Variants in CWF19L2 observed in about 807,000 individuals in gnomAD.
CWF19L2 encodes CWF19-like protein 2.
In CWF19L2, 98 loss-of-function variants were observed where a neutral mutation model predicts 111.7. The observed-to-expected ratio is 0.88, with a 90% CI of 0.75 to 1.04. The LOEUF is 1.04. CWF19L2 is among the 50% of genes least tolerant of loss of function. The probability of loss-of-function intolerance (pLI) is 0.00; values close to 1 mark genes in which losing one functional copy is unlikely to be tolerated. For synonymous variants in CWF19L2, 351 were observed against 342.9 expected, an observed-to-expected ratio of 1.02 and a Z score of -0.26; for missense variants, 1,101 against 1,051.4, an observed-to-expected ratio of 1.05 and a Z score of -0.65.
chr11:107,434,836 G>GTCACAAAGGGGGCT (rs1283691483), intron 6 of CWF19L2, among the ~76,000 whole-genome samples: 1 of 152,036 alleles, frequency 6.6e-6, no homozygotes, highest in East Asian at 1.9e-4. Flanking sequence ...GACTAGAAGG[G>GTCACAAAGGGGGCT]TCACAAAGGG....
At chr11:107,392,205 T>C (rs1034355695) in intron 11 of CWF19L2, among the ~76,000 whole-genome samples, 1 of 152,190 alleles carries the variant, frequency 6.6e-6, no homozygotes, top group Non-Finnish European at 1.5e-5. Context: ...TTCTTTTGTA[T>C]ATGCAATTAT....
intron 10 of CWF19L2, among the ~76,000 whole-genome samples, chr11:107,401,586 C>T (rs377039854): frequency 3.9e-5 from 6 of 152,224 alleles, no homozygotes; most frequent in African/African-American, 1.4e-4. Flanking sequence ...TCACAGACGA[C>T]ACAAACAAAT....
intron 10 of CWF19L2, among the ~76,000 whole-genome samples, chr11:107,415,374 C>A (rs917030048): frequency 4.6e-5 from 7 of 152,258 alleles, no homozygotes; most frequent in Admixed American, 2.6e-4. Context: ...TTGCCACTAC[C>A]CTGCCATAGG....
intron 10 of CWF19L2, chr11:107,403,604 TTC>T (rs1033479204): frequency 7.1e-5 from 56 of 786,176 alleles, no homozygotes; most frequent in African/African-American, 7.1e-4. Context: ...AAGGTGTGTC[TTC>T]TCTGTCTCCA....
At chr11:107,406,778 TTATTTTC>T (rs1861084470) in intron 10 of CWF19L2, among the ~76,000 whole-genome samples, 1 of 151,672 alleles carries the variant, frequency 6.6e-6, no homozygotes, top group South Asian at 2.1e-4. Context: ...TATTTATTTT[TTATTTTC>T]TATTTTAGTA....
intron 8 of CWF19L2, among the ~76,000 whole-genome samples, chr11:107,422,855 T>C (rs1565277665): frequency 1.3e-5 from 2 of 151,216 alleles, no homozygotes; most frequent in African/African-American, 2.4e-5. Context: ...AGCATTGGAA[T>C]AAAAAAAAAT....
chr11:107,454,417 T>C (rs1400888578), intron 3 of CWF19L2, 33 bp downstream of exon 3: 1 of 1,295,340 alleles, frequency 7.7e-7, no homozygotes, highest in East Asian at 3.0e-5. Context: ...TGTTCTCAAA[T>C]AGCTGCTTTG....
Position 107,336,704 on chromosome 11 carries a change from T to C in CWF19L2, c.2212A>G (p.Lys738Glu). 6.8e-7 allele frequency: 1 copy of C among 1,466,128 alleles called. No individual in the cohort carries two copies. Among genetic ancestry groups the C allele is most frequent in the Non-Finnish European group, 9.1e-7 (1 of 1,097,510 alleles). The allele number at this position is 1,466,128 out of a possible 1,614,324, so 90.8% of individuals were successfully genotyped here. A position where few individuals can be genotyped will look rare whatever the true frequency, so the allele number is the denominator to read the frequency against. Residue 738 changes from lysine (K) to glutamate (E), a missense_variant, in exon 15 of 18, where the codon AAA (lysine) becomes GAA (glutamate). Lys to Glu is a moderately conservative substitution (Grantham distance 56). Coordinates refer to ENST00000282251, the MANE Select transcript of CWF19L2 (RefSeq NM_152434.3). The part of the protein sequence containing the change: ...DIWEEIQMFR[K>E]SLVKMFEDKG... ...TCTTCAAACATCTTTACCAATGATTTTCTGAACATCTAAAAAAAAAAAAGA... is the reference window on the plus strand; with the variant it reads ...TCTTCAAACATCTTTACCAATGATTCTCTGAACATCTAAAAAAAAAAAAGA...
chr11:107,357,636 A>G (rs1860257943), intron 12 of CWF19L2, among the ~76,000 whole-genome samples: 2 of 152,210 alleles, frequency 1.3e-5, no homozygotes, highest in Non-Finnish European at 2.9e-5. Flanking sequence ...TGATTCTTCA[A>G]TATAACTGAA....
intron 7 of CWF19L2, 39 bp from the exon 8 acceptor site, chr11:107,429,490 G>C: frequency 6.8e-7 from 1 of 1,464,060 alleles, no homozygotes. Flanking sequence ...TCTAAAATTA[G>C]GAACGGCTCA....
chr11:107,389,981 T>C, intron 12 of CWF19L2, 93 bp downstream of exon 12: 1 of 1,064,002 alleles, frequency 9.4e-7, no homozygotes, highest in East Asian at 2.5e-5. Context: ...GAATCAAGAT[T>C]AGAGAGAACC....
intron 10 of CWF19L2, among the ~76,000 whole-genome samples, chr11:107,406,616 T>TA (rs1316575731): frequency 6.6e-6 from 1 of 151,778 alleles, no homozygotes; most frequent in African/African-American, 2.4e-5. Flanking sequence ...GCAGCCCTTT[T>TA]AAAAATGTTT....
intron 12 of CWF19L2, among the ~76,000 whole-genome samples, chr11:107,388,720 G>A (rs943418589): frequency 4.6e-5 from 7 of 151,964 alleles, no homozygotes; most frequent in Admixed American, 2.0e-4. Flanking sequence ...TAACTTGAAT[G>A]GTTTATGGTT....
intron 14 of CWF19L2, among the ~76,000 whole-genome samples, chr11:107,345,950 A>G (rs980549884): frequency 3.9e-5 from 6 of 152,140 alleles, no homozygotes; most frequent in Non-Finnish European, 5.9e-5. Context: ...GTAAAAAAAC[A>G]CTTCATTCTT....
intron 12 of CWF19L2, among the ~76,000 whole-genome samples, chr11:107,379,567 C>G (rs1465831567): frequency 6.6e-6 from 1 of 152,252 alleles, no homozygotes; most frequent in South Asian, 2.1e-4. Context: ...AACTGATTTA[C>G]TACTGATAAC....
At chr11:107,420,203 G>C (rs537651077) in intron 8 of CWF19L2, among the ~76,000 whole-genome samples, 54 of 152,074 alleles carry the variant, frequency 3.6e-4, no homozygotes, top group South Asian at 2.7e-3. Flanking sequence ...ATATATAAAT[G>C]GTCCAAATAC....
In CWF19L2 at chr11:107,347,764, T is replaced by C. The variant is rs1230915777; in HGVS notation, c.2202+1173A>G. Among the ~76,000 whole-genome samples the C allele has an allele frequency of 2.6e-5, 4 of 152,326 alleles. No homozygotes were observed. In the South Asian group the frequency reaches 6.2e-4, roughly 24 times the overall value. ...ATTTGTGTACTCAATATCTGTTAAA[T>C]TGAATAAAAATCTTCATCCACTTAA... On this transcript the variant is annotated intron_variant, in intron 14 of 17. Transcript: ENST00000282251.
chr11:107,448,548 T>C (rs1861734113), intron 3 of CWF19L2, among the ~76,000 whole-genome samples: 1 of 151,434 alleles, frequency 6.6e-6, no homozygotes, highest in Non-Finnish European at 1.5e-5. Flanking sequence ...AGCCTGAAAG[T>C]TTCATATTTG....
At chr11:107,375,545 C>A (rs1860585589) in intron 12 of CWF19L2, among the ~76,000 whole-genome samples, 1 of 137,260 alleles carries the variant, frequency 7.3e-6, no homozygotes, top group Non-Finnish European at 1.6e-5. Flanking sequence ...GAAATGAAGG[C>A]AGAAATAAAG....
Sources: allele counts gnomAD v4.1 joint callset (sites outside exome capture counted in the v4.1 genomes callset), GRCh38; gene constraint gnomAD v4.1.1; transcripts MANE v1.5; gene names NCBI Gene and HGNC (gene_info 2026-07-23, HGNC 2026-07-21).